Variants in VWA3A observed in about 807,000 individuals in gnomAD.
The protein encoded by VWA3A is von Willebrand factor A domain-containing protein 3A.
In VWA3A, 134 loss-of-function variants were observed where a neutral mutation model predicts 160.4. That is an observed-to-expected ratio of 0.84 (90% CI 0.73 to 0.96). VWA3A has a LOEUF of 0.96. Among genes scored for constraint, VWA3A ranks in the 40% least tolerant of loss-of-function variants. The pLI is 0.00. For synonymous variants in VWA3A, 476 were observed against 543.4 expected (o/e 0.88, Z 1.72); for missense variants, 1,310 against 1,447.9 (o/e 0.90, Z 1.55).
In VWA3A at chr16:22,126,251, C is replaced by A; in HGVS notation, c.1606C>A (p.Leu536Met). ...IIHIQHSLRL[L>M]LEEQLSNKDC... ...TCATATCCAGCACTCCCTGCGGCTG[C>A]TGCTGGAGGAGCAGTTATCCAACAA... Residue 536 changes from leucine (L) to methionine (M), a missense_variant, in exon 17 of 34, where the codon CTG (leucine) becomes ATG (methionine). By Grantham distance (15) the Leu-to-Met change is conservative. Transcript: ENST00000389398. The A allele has an allele frequency of 1.2e-6, 2 of 1,613,948 alleles. No individual in the cohort carries two copies. The highest frequency in any genetic ancestry group is 1.7e-6 in the Non-Finnish European group (2 of 1,179,874).
At chr16:22,108,164 G>A (rs971382132) in intron 6 of VWA3A, among the ~76,000 whole-genome samples, 3 of 152,160 alleles carry the variant, frequency 2.0e-5, no homozygotes, top group Non-Finnish European at 4.4e-5. Flanking sequence ...CGGGAGGTAA[G>A]GATGTGTGGC....
Position 22,156,888 on chromosome 16 carries a change from G to T in VWA3A, c.*871G>T, listed in dbSNP as rs1295416600. On this transcript the variant is annotated 3_prime_UTR_variant, in exon 34 of 34. Transcript: ENST00000389398. ...GTTTGAAGTGATCATTGGCGTGTGTGTGTGTGCATAAATTTTTAGTGACAT... is the reference window on the plus strand; with the variant it reads ...GTTTGAAGTGATCATTGGCGTGTGTTTGTGTGCATAAATTTTTAGTGACAT... 1 of 152,194 alleles carries T rather than the reference G, an allele frequency of 6.6e-6. No individual in the cohort carries two copies. Among genetic ancestry groups the T allele is most frequent in the Non-Finnish European group, 1.5e-5 (1 of 68,044 alleles). 9.4% of individuals were successfully genotyped at this position (152,194 alleles called of 1,614,324 possible).
intron 16 of VWA3A, 106 bp from the exon 17 acceptor site, chr16:22,126,071 TG>T: frequency 2.7e-6 from 4 of 1,499,582 alleles, no homozygotes; most frequent in Non-Finnish European, 3.6e-6. Flanking sequence ...GCTATGAATT[TG>T]GCATGCAAAA....
At chr16:22,140,737 A>G (rs1054078501) in intron 23 of VWA3A, among the ~76,000 whole-genome samples, 8 of 151,608 alleles carry the variant, frequency 5.3e-5, no homozygotes, top group African/African-American at 1.9e-4. Flanking sequence ...CAGCCTCCTG[A>G]ATAGCTGGGA....
At chr16:22,108,084 G>A (rs79982959) in intron 6 of VWA3A, among the ~76,000 whole-genome samples, 1 of 152,164 alleles carries the variant, frequency 6.6e-6, no homozygotes, top group Non-Finnish European at 1.5e-5. Context: ...CAAGACAAAG[G>A]TCATTGATCA....
At chr16:22,147,052 G>T (rs1443365041) in intron 27 of VWA3A, among the ~76,000 whole-genome samples, 1 of 152,130 alleles carries the variant, frequency 6.6e-6, no homozygotes, top group Non-Finnish European at 1.5e-5. Context: ...TAGAAACAGG[G>T]TCTTTCTCTG....
intron 4 of VWA3A, 30 bp downstream of exon 4, chr16:22,100,348 C>T (rs1377548700): frequency 3.9e-6 from 6 of 1,551,534 alleles, no homozygotes; most frequent in Admixed American, 2.0e-5. Flanking sequence ...CCGCACCCCC[C>T]ACAGCTGCAG....
intron 31 of VWA3A, among the ~76,000 whole-genome samples, chr16:22,154,195 T>C (rs2046396493): frequency 6.6e-6 from 1 of 152,146 alleles, no homozygotes; most frequent in African/African-American, 2.4e-5. Flanking sequence ...AAACAAGTGA[T>C]GATATGTTTA....
rs918400326 is a variant in VWA3A, at chr16:22,103,535, G to C, written c.483+6G>C. On this transcript the variant is annotated splice_donor_region_variant and intron_variant, in intron 6 of 33. Coordinates refer to ENST00000389398, the MANE Select transcript of VWA3A (RefSeq NM_173615.5). ...TCACAGAAAACAGCAAGAAGGTAAC[G>C]GGCATAGATTTCATTCTTTGCCCCC... is the stretch of plus-strand genomic sequence containing the variant. The C allele has an allele frequency of 6.4e-7, 1 of 1,551,568 alleles. No individual in the cohort carries two copies. The highest frequency in any genetic ancestry group is 8.7e-7 in the Non-Finnish European group (1 of 1,146,926).
At position 22,113,363 on chromosome 16, in the gene VWA3A, C is replaced by CTTTTTTTTTTTTTTTTTTTTTTTT. The variant is rs569069206; in HGVS notation, c.690-1974_690-1951dup. ...TGCTCCACAATGCCTGGCTAATTTT[C>CTTTTTTTTTTTTTTTTTTTTTTTT]TTTTTTTTTTTTTTTTTTTTTTTTT... On this transcript the variant is annotated intron_variant, in intron 8 of 33. Coordinates refer to ENST00000389398, the MANE Select transcript of VWA3A (RefSeq NM_173615.5). Among the ~76,000 whole-genome samples, 23 of 46,260 alleles carry CTTTTTTTTTTTTTTTTTTTTTTTT rather than the reference C, an allele frequency of 5.0e-4. 5 individuals are homozygous for CTTTTTTTTTTTTTTTTTTTTTTTT. Among genetic ancestry groups the CTTTTTTTTTTTTTTTTTTTTTTTT allele is most frequent in the Middle Eastern group, 0.033 (1 of 30 alleles). 30.3% of individuals were successfully genotyped at this position (46,260 alleles called of 152,430 possible).
intron 19 of VWA3A, among the ~76,000 whole-genome samples, chr16:22,132,554 A>T (rs1055999899): frequency 6.6e-6 from 1 of 151,758 alleles, no homozygotes; most frequent in African/African-American, 2.4e-5. Flanking sequence ...TCTCTTTAAA[A>T]TACATACATA....
intron 13 of VWA3A, 99 bp downstream of exon 13, chr16:22,121,202 T>G: frequency 6.4e-7 from 1 of 1,553,342 alleles, no homozygotes; most frequent in South Asian, 1.2e-5. Flanking sequence ...TCCCAGCACT[T>G]TGGGAGGCCA....
intron 17 of VWA3A, among the ~76,000 whole-genome samples, chr16:22,130,051 A>G (rs138111994): frequency 0.021 from 3,124 of 152,202 alleles, 56 homozygotes; most frequent in Non-Finnish European, 0.03. Flanking sequence ...AGTGGGTCTC[A>G]GCGGTGCAGG....
intron 22 of VWA3A, among the ~76,000 whole-genome samples, chr16:22,139,746 G>C (rs2046109257): frequency 6.6e-6 from 1 of 152,070 alleles, no homozygotes; most frequent in Non-Finnish European, 1.5e-5. Context: ...ATAAGGCACA[G>C]AAGTTACCTA....
intron 19 of VWA3A, 132 bp downstream of exon 19, chr16:22,131,861 A>G: frequency 7.8e-7 from 1 of 1,281,848 alleles, no homozygotes; most frequent in Admixed American, 2.9e-5. Flanking sequence ...TGTATAGACA[A>G]GCACCTAAGG....
chr16:22,093,369 G>A (rs568871479), intron 1 of VWA3A, among the ~76,000 whole-genome samples: 1 of 152,126 alleles, frequency 6.6e-6, no homozygotes, highest in Non-Finnish European at 1.5e-5. Flanking sequence ...AACATGCTGT[G>A]GGGAAAGACA....
rs11322884 is a variant in VWA3A, at chr16:22,130,870, T to TA, written c.1653-323dup. On this transcript the variant is annotated intron_variant, in intron 17 of 33. Transcript: ENST00000389398. Reference sequence around the variant, plus strand: ...CCTGTTGATTACATAGATGTGTATTTAAAAAAAAAAAACAAACTATAGTAT... The same window carrying TA: ...CCTGTTGATTACATAGATGTGTATTTAAAAAAAAAAAAACAAACTATAGTAT... Among the ~76,000 whole-genome samples, 98 of 147,480 alleles carry TA rather than the reference T, an allele frequency of 6.6e-4. 2 individuals are homozygous for TA. In the Middle Eastern group the frequency reaches 0.014, roughly 21 times the overall value.
At chr16:22,141,483 T>C (rs972107516) in intron 23 of VWA3A, 99 bp from the exon 24 acceptor site, 1 of 1,093,142 alleles carries the variant, frequency 9.1e-7, no homozygotes, top group African/African-American at 1.6e-5. Flanking sequence ...TTTCCTGGGG[T>C]GGAGTATAGC....
chr16:22,155,815 C>T (rs373506595), intron 32 of VWA3A, 36 bp from the exon 33 acceptor site: 2 of 1,613,568 alleles, frequency 1.2e-6, no homozygotes, highest in East Asian at 2.2e-5. Context: ...ATCTGGGCAC[C>T]AGGGAGACCA....
Sources: allele counts gnomAD v4.1 joint callset (sites outside exome capture counted in the v4.1 genomes callset), GRCh38; gene constraint gnomAD v4.1.1; transcripts MANE v1.5; gene names NCBI Gene and HGNC (gene_info 2026-07-23, HGNC 2026-07-21).